EFCAB7: variants seen among roughly 807,000 people sequenced by gnomAD.
EFCAB7 encodes the protein EF-hand calcium-binding domain-containing protein 7.
In EFCAB7, 66 loss-of-function variants were observed where a neutral mutation model predicts 77.1. That is an observed-to-expected ratio of 0.86 (90% CI 0.70 to 1.05). EFCAB7 has a LOEUF of 1.05. Among genes scored for constraint, EFCAB7 ranks in the 50% least tolerant of loss-of-function variants. The pLI is 0.00. For missense variants in EFCAB7, 638 were observed against 730.5 expected (o/e 0.87, Z 1.46); for synonymous variants, 225 against 243.3 (o/e 0.92, Z 0.70).
At chr1:63,545,764 G>A in intron 6 of EFCAB7, 152 bp from the exon 7 acceptor site, 1 of 703,948 alleles carries the variant, frequency 1.4e-6, no homozygotes. Context: ...TGTTATGTCT[G>A]TTTTCTACCT....
At chr1:63,524,935 TG>T (rs1646558685) in intron 1 of EFCAB7, among the ~76,000 whole-genome samples, 1 of 152,220 alleles carries the variant, frequency 6.6e-6, no homozygotes, top group Admixed American at 6.5e-5. Flanking sequence ...AGTAAAACTA[TG>T]ATAATGCTAT....
At chr1:63,562,452 TA>T (rs1647116799) in intron 11 of EFCAB7, among the ~76,000 whole-genome samples, 2 of 8,916 alleles carry the variant, frequency 2.2e-4, no homozygotes, top group South Asian at 0.01. Flanking sequence ...AATTTATTTA[TA>T]TATATATATA....
chr1:63,545,289 C>T (rs1355044332), intron 6 of EFCAB7, among the ~76,000 whole-genome samples: 1 of 152,038 alleles, frequency 6.6e-6, no homozygotes, highest in African/African-American at 2.4e-5. Flanking sequence ...GCTATCTATT[C>T]TTCATGATAT....
At chr1:63,561,190 G>A (rs1229094103) in intron 10 of EFCAB7, among the ~76,000 whole-genome samples, 1 of 152,136 alleles carries the variant, frequency 6.6e-6, no homozygotes, top group African/African-American at 2.4e-5. Flanking sequence ...AGTCTTTCAA[G>A]ACTTGGGGAC....
At chr1:63,570,912 A>C in intron 12 of EFCAB7, 109 bp from the exon 13 acceptor site, 7 of 541,130 alleles carry the variant, frequency 1.3e-5, no homozygotes, top group Non-Finnish European at 1.8e-5. Context: ...ATGAATTTGT[A>C]GTGCACTATA....
chr1:63,576,924 C>T (rs560545810), downstream of EFCAB7, among the ~76,000 whole-genome samples: 13 of 151,540 alleles, frequency 8.6e-5, no homozygotes, highest in South Asian at 2.3e-3. Flanking sequence ...CCGAGGCAGG[C>T]GGATCACAAA....
At chr1:63,535,166 C>T (rs561858859) in intron 6 of EFCAB7, among the ~76,000 whole-genome samples, 1 of 151,950 alleles carries the variant, frequency 6.6e-6, no homozygotes, top group African/African-American at 2.4e-5. Flanking sequence ...ATTTTAGCCA[C>T]TGTAAAGAGA....
intron 10 of EFCAB7, among the ~76,000 whole-genome samples, chr1:63,558,685 A>T (rs887797243): frequency 6.6e-6 from 1 of 152,134 alleles, no homozygotes; most frequent in Non-Finnish European, 1.5e-5. Flanking sequence ...TATCTGTAAG[A>T]TTATTTTAAT....
rs554385303 is a variant in EFCAB7, at chr1:63,545,248, A to G, written c.805-668A>G. Among the ~76,000 whole-genome samples, 8 of 151,738 alleles carry G rather than the reference A, an allele frequency of 5.3e-5. No homozygotes were observed. The South Asian group carries it at 1.5e-3, about 28-fold the overall frequency. On this transcript the variant is annotated intron_variant, in intron 6 of 13. Transcript: ENST00000371088. ...ATTTTTCTTACTTCTTCTTTACCTT[A>G]TATCTTTTCCTAACTTTTCATTATT...
At chr1:63,573,006 G>T (rs996772001), downstream of EFCAB7, among the ~76,000 whole-genome samples, 1 of 152,052 alleles carries the variant, frequency 6.6e-6, no homozygotes, top group African/African-American at 2.4e-5. Context: ...TTTTGTGGTG[G>T]AATGTCATCA....
chr1:63,532,184 T>C (rs1646705926), intron 3 of EFCAB7, among the ~76,000 whole-genome samples, 153 bp downstream of exon 3: 1 of 152,104 alleles, frequency 6.6e-6, no homozygotes, highest in Admixed American at 6.5e-5. Flanking sequence ...TAGGAATCCT[T>C]CTGGATGAAA....
chr1:63,545,706 G>A (rs925766171), intron 6 of EFCAB7, among the ~76,000 whole-genome samples: 10 of 152,182 alleles, frequency 6.6e-5, no homozygotes, highest in Non-Finnish European at 1.2e-4. Context: ...CTCCCAAAGT[G>A]CTGGGATTAC....
intron 6 of EFCAB7, among the ~76,000 whole-genome samples, chr1:63,537,440 T>G (rs1230589208): frequency 6.6e-6 from 1 of 152,200 alleles, no homozygotes; most frequent in African/African-American, 2.4e-5. Flanking sequence ...TCAAAACATA[T>G]ATAGCATCTA....
intron 10 of EFCAB7, among the ~76,000 whole-genome samples, chr1:63,559,687 C>G (rs1647072170): frequency 6.6e-6 from 1 of 151,936 alleles, no homozygotes; most frequent in South Asian, 2.1e-4. Context: ...GTCTCAAACC[C>G]CTGGAGGGTT....
At chr1:63,573,580 C>G (rs866512547), downstream of EFCAB7, among the ~76,000 whole-genome samples, 1 of 152,120 alleles carries the variant, frequency 6.6e-6, no homozygotes, top group South Asian at 2.1e-4. Context: ...CTTGGAGAAA[C>G]TGTGTAAACC....
chr1:63,526,110 G>A (rs1646585000), intron 2 of EFCAB7, among the ~76,000 whole-genome samples: 1 of 152,156 alleles, frequency 6.6e-6, no homozygotes, highest in African/African-American at 2.4e-5. Flanking sequence ...CCATACTGAG[G>A]AAAGTGTAAA....
chr1:63,564,407 A>G (rs1029090196), intron 11 of EFCAB7, among the ~76,000 whole-genome samples: 3 of 152,198 alleles, frequency 2.0e-5, no homozygotes, highest in Non-Finnish European at 4.4e-5. Context: ...GTATTCCTAT[A>G]CACCAACAAT....
rs756681533 is a variant in EFCAB7 at position 63,568,464 on chromosome 1, T to C, written c.1652T>C (p.Ile551Thr). 32 of 1,593,672 alleles carry C rather than the reference T, an allele frequency of 2.0e-5. No individual in the cohort carries two copies. The highest frequency in any genetic ancestry group is 2.7e-5 in the Non-Finnish European group (32 of 1,173,130). Reference sequence around the variant, plus strand: ...AAAGTAATGGATGGCTATGAAAATATAATCGTGCATACTTACAGTTGTGAC... The same window carrying C: ...AAAGTAATGGATGGCTATGAAAATACAATCGTGCATACTTACAGTTGTGAC... ...DAKVMDGYEN[I>T]IVHTYSCDTW... The change falls in exon 12 of 14, where the codon ATA becomes ACA. Residue 551 changes from isoleucine to threonine, a missense_variant. Physicochemically the swap from Ile to Thr is moderately conservative, Grantham distance 89. Coordinates refer to ENST00000371088, the MANE Select transcript of EFCAB7 (RefSeq NM_032437.4).
intron 6 of EFCAB7, among the ~76,000 whole-genome samples, chr1:63,538,111 T>C (rs1557674533): frequency 6.6e-6 from 1 of 152,176 alleles, no homozygotes; most frequent in African/African-American, 2.4e-5. Context: ...AGTTTGCACT[T>C]ATATGAATTT....
Sources: gnomAD v4.1 joint callset for allele counts (sites outside exome capture counted in the v4.1 genomes callset) on GRCh38, gnomAD v4.1.1 for gene constraint, MANE v1.5 for transcripts, NCBI Gene and HGNC (gene_info 2026-07-23, HGNC 2026-07-21) for gene names.